PDS5B: variants seen among roughly 807,000 people sequenced by gnomAD.
PDS5B encodes the protein sister chromatid cohesion protein PDS5 homolog B.
PDS5B carries 51 observed loss-of-function variants against 184.1 expected under a neutral mutation model. The ratio of observed to expected loss-of-function variants is 0.28; its 90% CI spans 0.22 to 0.35. PDS5B has a LOEUF of 0.35. PDS5B is among the 10% of genes least tolerant of loss of function. PDS5B has a pLI of 1.00. For missense variants in PDS5B, 1,180 were observed against 1,723.3 expected (o/e 0.68, Z 5.58); for synonymous variants, 566 against 569.2 (o/e 0.99, Z 0.08).
At chr13:32,695,628 C>A (rs1408410602) in intron 14 of PDS5B, among the ~76,000 whole-genome samples, 1 of 151,864 alleles carries the variant, frequency 6.6e-6, no homozygotes, top group Non-Finnish European at 1.5e-5. Context: ...ATAATAACAT[C>A]CAGGTAGTAT....
chr13:32,698,144 T>G (rs1219555933), intron 15 of PDS5B, among the ~76,000 whole-genome samples: 1 of 151,904 alleles, frequency 6.6e-6, no homozygotes. Flanking sequence ...TTGTTAATAA[T>G]ATTGTGAGAA....
intron 31 of PDS5B, among the ~76,000 whole-genome samples, chr13:32,765,371 A>G (rs1179024578): frequency 6.6e-6 from 1 of 152,188 alleles, no homozygotes; most frequent in Non-Finnish European, 1.5e-5. Flanking sequence ...CATTGTTACG[A>G]CTTTTGATTA....
Position 32,710,185 on chromosome 13 carries a change from C to T in PDS5B, c.2123+79C>T, listed in dbSNP as rs758781307. 38 of 1,058,912 alleles carry T rather than the reference C, an allele frequency of 3.6e-5. No homozygotes were observed. In the Admixed American group the frequency reaches 4.0e-4, roughly 11 times the overall value. 65.6% of individuals were successfully genotyped at this position (1,058,912 alleles called of 1,614,324 possible). The stretch of plus-strand genomic sequence containing the variant: ...CTTGATTTATGCAATAATTGGGAAT[C>T]TTTCAAGTTTTGAGGAAAAACTGTC... On this transcript the variant is annotated intron_variant, in intron 19 of 34. Transcript: ENST00000315596.
chr13:32,655,163 C>G (rs1447192474), intron 3 of PDS5B, among the ~76,000 whole-genome samples: 1 of 150,170 alleles, frequency 6.7e-6, no homozygotes, highest in Non-Finnish European at 1.5e-5. Flanking sequence ...TCAGCACTTC[C>G]TTTTCTCTGC....
intron 1 of PDS5B, among the ~76,000 whole-genome samples, chr13:32,646,758 T>C (rs1475341052): frequency 6.6e-6 from 1 of 152,174 alleles, no homozygotes; most frequent in Non-Finnish European, 1.5e-5. Flanking sequence ...GTACTTAGTA[T>C]GTGCTAAGCA....
At chr13:32,660,099 C>T (rs1348919655) in intron 6 of PDS5B, among the ~76,000 whole-genome samples, 1 of 152,120 alleles carries the variant, frequency 6.6e-6, no homozygotes, top group Non-Finnish European at 1.5e-5. Context: ...GGTTCCTAGT[C>T]AGCTGCCATC....
intron 31 of PDS5B, among the ~76,000 whole-genome samples, chr13:32,768,947 C>G (rs9596224): frequency 9.3e-4 from 79 of 84,534 alleles, no homozygotes; most frequent in African/African-American, 3.3e-3. Context: ...TAAAAAAATA[C>G]AAAAAAAAAA....
At chr13:32,653,749 G>A (rs1950428086) in intron 3 of PDS5B, among the ~76,000 whole-genome samples, 1 of 152,138 alleles carries the variant, frequency 6.6e-6, no homozygotes. Flanking sequence ...TTCTAAATGT[G>A]AATTTCTCAT....
rs548915534 is a variant in PDS5B, at chr13:32,720,593, T to C, written c.2123+10487T>C. On this transcript the variant is annotated intron_variant, in intron 19 of 34. Transcript: ENST00000315596. The stretch of plus-strand genomic sequence containing the variant: ...AGCTGCACTGCACAGGGGTACAACT[T>C]TTATCTTTATTTTTTATTTTTATTT... 2.4e-3 allele frequency among the ~76,000 whole-genome samples: 359 copies of C among 151,838 alleles called. 1 individual carries two copies. The highest frequency in any genetic ancestry group is 3.8e-3 in the Non-Finnish European group (256 of 67,952).
At chr13:32,656,842 C>A (rs1950526166) in intron 3 of PDS5B, among the ~76,000 whole-genome samples, 1 of 152,158 alleles carries the variant, frequency 6.6e-6, no homozygotes, top group Admixed American at 6.5e-5. Context: ...AGCCATCCAC[C>A]CGCCTTGGCT....
intron 3 of PDS5B, among the ~76,000 whole-genome samples, chr13:32,653,675 C>T (rs887703262): frequency 1.3e-5 from 2 of 152,110 alleles, no homozygotes; most frequent in African/African-American, 2.4e-5. Flanking sequence ...TGAGAATGGT[C>T]GGAGACTTAA....
At chr13:32,636,134 C>T (rs969268420) in intron 1 of PDS5B, among the ~76,000 whole-genome samples, 1 of 152,202 alleles carries the variant, frequency 6.6e-6, no homozygotes, top group Non-Finnish European at 1.5e-5. Context: ...AACGAGAAAA[C>T]TTGACCTCTT....
intron 1 of PDS5B, among the ~76,000 whole-genome samples, chr13:32,587,695 C>T (rs757353030): frequency 1.4e-4 from 21 of 152,234 alleles, no homozygotes; most frequent in Non-Finnish European, 2.5e-4. Context: ...CCACTCCACG[C>T]GCGTCTTCAA....
intron 8 of PDS5B, among the ~76,000 whole-genome samples, chr13:32,675,582 G>A (rs928585509): frequency 4.0e-5 from 6 of 151,866 alleles, no homozygotes; most frequent in African/African-American, 1.5e-4. Flanking sequence ...TTGTAGGAGG[G>A]GCCTCTAACA....
intron 6 of PDS5B, among the ~76,000 whole-genome samples, chr13:32,661,837 G>A (rs1593365294): frequency 6.6e-6 from 1 of 152,266 alleles, no homozygotes; most frequent in Non-Finnish European, 1.5e-5. Context: ...CTTCTCATTT[G>A]CAGTGTTAGA....
chr13:32,709,369 A>G (rs144362434), intron 18 of PDS5B, among the ~76,000 whole-genome samples: 2 of 152,034 alleles, frequency 1.3e-5, no homozygotes, highest in East Asian at 1.9e-4. Context: ...TCCCAGGACT[A>G]TTTATTTTCT....
intron 33 of PDS5B, among the ~76,000 whole-genome samples, chr13:32,772,258 A>T (rs1339421793): frequency 1.3e-5 from 2 of 152,194 alleles, no homozygotes; most frequent in African/African-American, 4.8e-5. Flanking sequence ...ATAAAGATTT[A>T]TCAAGAGGGA....
At chr13:32,708,553 G>A (rs903748917) in intron 18 of PDS5B, among the ~76,000 whole-genome samples, 2 of 151,960 alleles carry the variant, frequency 1.3e-5, no homozygotes, top group African/African-American at 4.8e-5. Context: ...TGCTGTACAG[G>A]GAAATTTTAC....
intron 29 of PDS5B, 102 bp from the exon 30 acceptor site, chr13:32,760,473 T>G: frequency 9.2e-7 from 1 of 1,091,300 alleles, no homozygotes; most frequent in Non-Finnish European, 1.3e-6. Flanking sequence ...TTTTCATGAT[T>G]TGTAAGTAAA....
Sources: allele counts gnomAD v4.1 joint callset (sites outside exome capture counted in the v4.1 genomes callset), GRCh38; gene constraint gnomAD v4.1.1; transcripts MANE v1.5; gene names NCBI Gene and HGNC (gene_info 2026-07-23, HGNC 2026-07-21).